JAG1: variants seen among roughly 807,000 people sequenced by gnomAD.
JAG1 encodes protein jagged-1.
A neutral mutation model predicts 148.7 loss-of-function variants in JAG1; 23 were observed. The ratio of observed to expected loss-of-function variants is 0.15; its 90% CI spans 0.11 to 0.22. The LOEUF is 0.22. Ranked by LOEUF, JAG1 falls within the 10% of genes least tolerant of loss-of-function variation. JAG1 has a pLI of 1.00. For missense variants in JAG1, 1,054 were observed against 1,611.2 expected (o/e 0.65, Z 5.92); for synonymous variants, 572 against 598.3 (o/e 0.96, Z 0.64).
chr20:10,673,715 C>A lies in JAG1; in HGVS notation c.-185G>T, dbSNP rs1398348355. 5 of 260,974 alleles carry A rather than the reference C, an allele frequency of 1.9e-5. No individual in the cohort carries two copies. Among genetic ancestry groups the A allele is most frequent in the East Asian group, 1.6e-4 (2 of 12,768 alleles). 16.2% of individuals were successfully genotyped at this position (260,974 alleles called of 1,614,324 possible). A position where few individuals can be genotyped will look rare whatever the true frequency, so the allele number is the denominator to read the frequency against. ...TTCAAAAGCCCTTTCAAGAGCGGCC[C>A]GTTCCAGAAGGCAAAGAGCCCGGCC... On this transcript the variant is annotated 5_prime_UTR_variant, in exon 1 of 26. Coordinates refer to ENST00000254958, the MANE Select transcript of JAG1 (RefSeq NM_000214.3). The surrounding 1 kb of genome is among the most constrained non-coding windows in gnomAD (Gnocchi z 4.7).
chr20:10,665,103 C>G (rs1051086057), intron 2 of JAG1, among the ~76,000 whole-genome samples: 2 of 152,074 alleles, frequency 1.3e-5, no homozygotes, highest in African/African-American at 4.8e-5. Flanking sequence ...GAAATAGAAG[C>G]GTGTATAGAT....
chr20:10,666,975 C>T (rs1165345333), intron 2 of JAG1, among the ~76,000 whole-genome samples: 1 of 152,204 alleles, frequency 6.6e-6, no homozygotes, highest in African/African-American at 2.4e-5. Flanking sequence ...CTGCCCTGTC[C>T]CACTCCATGG....
At position 10,658,617 on chromosome 20, in the gene JAG1, T is replaced by A; in HGVS notation, c.545A>T (p.Gln182Leu). ...GTAGTCATCACAGGTCACGCGGATCTGATACTCAAAGTGGGCAACGCCCGT... is the reference window on the plus strand; with the variant it reads ...GTAGTCATCACAGGTCACGCGGATCAGATACTCAAAGTGGGCAACGCCCGT... The part of the protein sequence containing the change: ...QNTGVAHFEY[Q>L]IRVTCDDYYY... The change falls in exon 4 of 26, where the codon CAG (glutamine) becomes CTG (leucine). Residue 182 changes from glutamine (Q) to leucine (L), a missense_variant. Physicochemically the swap from Gln to Leu is moderately radical, Grantham distance 113. Transcript: ENST00000254958. 1 of 1,614,248 alleles carries A rather than the reference T, an allele frequency of 6.2e-7. No homozygotes were observed. The highest frequency in any genetic ancestry group is 8.5e-7 in the Non-Finnish European group (1 of 1,180,054).
rs1464058487 is a variant in JAG1 at position 10,672,690 on chromosome 20, T to TA, written c.387+10dup. ...GGCTCCGCCCGGCCTCCTTCCCGAG[T>TA]AGTCACTCACCGGCCAGGCGAAACT... On this transcript the variant is annotated intron_variant, in intron 2 of 25. Coordinates refer to ENST00000254958, the MANE Select transcript of JAG1 (RefSeq NM_000214.3). 2.5e-6 allele frequency: 4 copies of TA among 1,611,606 alleles called. No homozygotes were observed. Among genetic ancestry groups the TA allele is most frequent in the Non-Finnish European group, 3.4e-6 (4 of 1,179,734 alleles).
Position 10,641,247 on chromosome 20 carries a change from A to G in JAG1, c.2917-3T>C. 6.2e-7 allele frequency: 1 copy of G among 1,613,786 alleles called. No individual in the cohort carries two copies. Among genetic ancestry groups the G allele is most frequent in the Non-Finnish European group, 8.5e-7 (1 of 1,179,972 alleles). ...CAAATGTGCTCCGTAGTAAGACCCT[A>G]AAACGATTTTTAAAAACCCACACAC... On this transcript the variant is annotated splice_region_variant and splice_polypyrimidine_tract_variant and intron_variant, in intron 23 of 25. Coordinates refer to ENST00000254958, the MANE Select transcript of JAG1 (RefSeq NM_000214.3).
Position 10,673,649 on chromosome 20 carries a change from C to T in JAG1, c.-119G>A, listed in dbSNP as rs1600197121. On this transcript the variant is annotated 5_prime_UTR_variant, in exon 1 of 26. Transcript: ENST00000254958. The surrounding 1 kb of genome is among the most constrained non-coding windows in gnomAD (Gnocchi z 4.7). Reference sequence around the variant, plus strand: ...CGCCGCGTCCCGGCTCTAATATACTCCGCCGATTGGAGCATGCACGACTGG... The same window carrying T: ...CGCCGCGTCCCGGCTCTAATATACTTCGCCGATTGGAGCATGCACGACTGG... The T allele has an allele frequency of 2.8e-6, 1 of 354,238 alleles. No homozygotes were observed. The highest frequency in any genetic ancestry group is 6.3e-5 in the East Asian group (1 of 15,982). 21.9% of individuals were successfully genotyped at this position (354,238 alleles called of 1,614,324 possible). A position where few individuals can be genotyped will look rare whatever the true frequency, so the allele number is the denominator to read the frequency against.
chr20:10,644,486 G>A (rs2067294611), intron 18 of JAG1, 102 bp from the exon 19 acceptor site: 1 of 927,100 alleles, frequency 1.1e-6, no homozygotes, highest in African/African-American at 1.6e-5. Flanking sequence ...AAATGATAAA[G>A]TCGTAGTTAA....
chr20:10,646,154 G>T, intron 14 of JAG1, 70 bp from the exon 15 acceptor site: 1 of 1,096,362 alleles, frequency 9.1e-7, no homozygotes, highest in Non-Finnish European at 1.4e-6. Flanking sequence ...CTGTTCAGCA[G>T]TTTTCATGGC....
In JAG1 at chr20:10,649,201, C is replaced by A. The variant is rs1025419134; in HGVS notation, c.1349-94G>T. 3.1e-5 allele frequency: 27 copies of A among 868,806 alleles called. No homozygotes were observed. The Admixed American group carries it at 5.2e-4, about 17-fold the overall frequency. 53.8% of individuals were successfully genotyped at this position (868,806 alleles called of 1,614,324 possible). A position where few individuals can be genotyped will look rare whatever the true frequency, so the allele number is the denominator to read the frequency against. On this transcript the variant is annotated intron_variant, in intron 10 of 25. Coordinates refer to ENST00000254958, the MANE Select transcript of JAG1 (RefSeq NM_000214.3). ...TTCTCAGCTCAGGATAGATAAGTTT[C>A]AAATCAGATTTCCTGTGTGCTTTCC...
chr20:10,665,020 G>A (rs1438259141), intron 2 of JAG1, among the ~76,000 whole-genome samples: 1 of 152,176 alleles, frequency 6.6e-6, no homozygotes, highest in Non-Finnish European at 1.5e-5. Flanking sequence ...TGTACTCAAG[G>A]CAGGTGGGGT....
chr20:10,671,565 T>G (rs1283579533), intron 2 of JAG1, among the ~76,000 whole-genome samples: 1 of 151,808 alleles, frequency 6.6e-6, no homozygotes, highest in Non-Finnish European at 1.5e-5. Flanking sequence ...GGCAGCAGAG[T>G]GCACCCCATT....
intron 5 of JAG1, among the ~76,000 whole-genome samples, chr20:10,655,031 G>C (rs1292195642): frequency 6.6e-6 from 1 of 152,218 alleles, no homozygotes; most frequent in Non-Finnish European, 1.5e-5. Context: ...CAGCAATGCT[G>C]TTAAATACTA....
At chr20:10,662,141 C>G (rs2067421414) in intron 3 of JAG1, 1 of 152,166 alleles carries the variant, frequency 6.6e-6, no homozygotes, top group African/African-American at 2.4e-5. Context: ...CAGGGTTCAC[C>G]AAGTGAGTTT....
At position 10,663,980 on chromosome 20, in the gene JAG1, G is replaced by T. The variant is rs1204218385; in HGVS notation, c.422C>A (p.Ser141Tyr). ...ATACTTACGAACGGTGTCATTACTGGAATCCCACGCCTCCACAAGCAACGT... is the reference window on the plus strand; with the variant it reads ...ATACTTACGAACGGTGTCATTACTGTAATCCCACGCCTCCACAAGCAACGT... The part of the protein sequence containing the change: ...SYTLLVEAWD[S>Y]SNDTVQPDSI... The change falls in exon 3 of 26, where the codon TCC becomes TAC. Residue 141 changes from serine (S) to tyrosine (Y), a missense_variant. Around this residue, in one of 6 missense-constraint regions of JAG1, gnomAD observed 151 missense variants for 211.1 expected, o/e 0.72. Transcript: ENST00000254958. The T allele has an allele frequency of 3.1e-6, 5 of 1,613,696 alleles. No individual in the cohort carries two copies. The highest frequency in any genetic ancestry group is 4.2e-6 in the Non-Finnish European group (5 of 1,179,732).
At chr20:10,666,081 G>A (rs2143620) in intron 2 of JAG1, among the ~76,000 whole-genome samples, 6,030 of 152,104 alleles carry the variant, frequency 0.04, 160 homozygotes, top group Non-Finnish European at 0.057. Context: ...CTACAGTGAC[G>A]GCAACAAAGC....
chr20:10,648,789 T>C (rs1378235561), intron 11 of JAG1, 67 bp from the exon 12 acceptor site: 1 of 1,482,098 alleles, frequency 6.7e-7, no homozygotes, highest in African/African-American at 1.4e-5. Context: ...ACACAGGGCT[T>C]CAGCGGTTTA....
intron 11 of JAG1, 21 bp downstream of exon 11, chr20:10,649,040 T>C (rs772336880): frequency 6.3e-7 from 1 of 1,591,558 alleles, no homozygotes; most frequent in East Asian, 2.2e-5. Context: ...AAAGTTTTGA[T>C]TTAAGCAAAG....
chr20:10,646,870 C>CCAGGGG, intron 14 of JAG1, 69 bp downstream of exon 14: 1 of 1,463,546 alleles, frequency 6.8e-7, no homozygotes, highest in Non-Finnish European at 9.6e-7. Flanking sequence ...CCAGGGTGGG[C>CCAGGGG]CAGGGGCAGA....
intron 2 of JAG1, among the ~76,000 whole-genome samples, chr20:10,664,297 C>T (rs2067437017): frequency 6.6e-6 from 1 of 151,616 alleles, no homozygotes; most frequent in Non-Finnish European, 1.5e-5. Flanking sequence ...GGAAATGCCA[C>T]CTCACTATAT....
Sources: allele counts gnomAD v4.1 joint callset (sites outside exome capture counted in the v4.1 genomes callset), GRCh38; gene constraint gnomAD v4.1.1; regional missense constraint gnomAD v4.1.1; non-coding constraint Gnocchi (gnomAD v3.1); transcripts MANE v1.5; gene names NCBI Gene and HGNC (gene_info 2026-07-23, HGNC 2026-07-21).